Variants in MYCT1 observed in about 807,000 individuals in gnomAD.
MYCT1 encodes the protein MYC target 1.
Under a neutral mutation model 15.0 loss-of-function variants are expected in MYCT1, and 12 were observed. The observed-to-expected ratio is 0.80, with a 90% CI of 0.51 to 1.29. The LOEUF (loss-of-function observed/expected upper bound fraction) is 1.29, where lower values mean the gene tolerates loss of function less well. Among genes scored for constraint, MYCT1 ranks in the 50% most tolerant of loss-of-function variants. MYCT1 has a pLI of 0.00. For synonymous variants in MYCT1, 104 were observed against 102.7 expected, an observed-to-expected ratio of 1.01 and a Z score of -0.07; for missense variants, 287 against 279.1, an observed-to-expected ratio of 1.03 and a Z score of -0.20.
At chr6:152,734,969 C>A in the MYCT1 span, among the ~76,000 whole-genome samples, 8 of 152,266 alleles carry the variant, frequency 5.3e-5, no homozygotes, top group East Asian at 1.5e-3. Context: ...AATAAAACAA[C>A]ATATGCCAGA....
intron 1 of MYCT1, among the ~76,000 whole-genome samples, chr6:152,701,324 C>G (rs2099721265): frequency 6.6e-6 from 1 of 152,120 alleles, no homozygotes; most frequent in Admixed American, 6.5e-5. Flanking sequence ...AAAATGTCAC[C>G]AGCAAATATG....
At chr6:152,702,054 C>T (rs1324086605) in intron 1 of MYCT1, among the ~76,000 whole-genome samples, 2 of 152,076 alleles carry the variant, frequency 1.3e-5, no homozygotes, top group African/African-American at 4.8e-5. Context: ...GAAATAAGTA[C>T]CAGTTCCTCT....
At position 152,724,492 on chromosome 6, in the gene MYCT1, A is replaced by G. The variant is rs561061455; in HGVS notation, c.*2239A>G. The stretch of plus-strand genomic sequence containing the variant: ...AGTGTATGAAATGTGAAATTAAAGC[A>G]AAAACTGGAGACTTTTAATGTATTT... On this transcript the variant is annotated 3_prime_UTR_variant, in exon 2 of 2. Transcript: ENST00000367245. 1.3e-5 allele frequency: 2 copies of G among 152,316 alleles called. No homozygotes were observed. Among genetic ancestry groups the G allele is most frequent in the South Asian group, 4.1e-4 (2 of 4,828 alleles). The allele number at this position is 152,316 out of a possible 1,614,324, so 9.4% of individuals were successfully genotyped here.
intron 1 of MYCT1, among the ~76,000 whole-genome samples, chr6:152,708,631 G>A (rs1583968543): frequency 6.6e-6 from 1 of 151,938 alleles, no homozygotes; most frequent in African/African-American, 2.4e-5. Flanking sequence ...CATTTCATAT[G>A]AAAATATTTT....
At chr6:152,724,626 G>A (rs182408505), downstream of MYCT1, 8 of 152,150 alleles carry the variant, frequency 5.3e-5, no homozygotes, top group East Asian at 1.5e-3. Flanking sequence ...AAAGCAAGGA[G>A]TCAAGAAATT....
chr6:152,722,199 A>C lies in MYCT1; in HGVS notation c.654A>C (p.Ser218=). The C allele has an allele frequency of 6.2e-7, 1 of 1,614,120 alleles. No homozygotes were observed. The highest frequency in any genetic ancestry group is 8.5e-7 in the Non-Finnish European group (1 of 1,180,012). ...GTAACAGTCTTCGAGTGGGCCTTTC[A>C]ACACCGCCCCCACCTGCCTATGAGT... ...WSSNSLRVGL[S]TPPPPAYESI... The change falls in exon 2 of 2, where the codon TCA becomes TCC. Residue 218 remains serine, a synonymous_variant. Coordinates refer to ENST00000367245, the MANE Select transcript of MYCT1 (RefSeq NM_025107.3).
chr6:152,737,268 G>A, the MYCT1 span, among the ~76,000 whole-genome samples: 4 of 151,832 alleles, frequency 2.6e-5, no homozygotes, highest in South Asian at 6.2e-4. Context: ...GCAATAAAGA[G>A]TTTGAAGTAG....
chr6:152,745,455 T>C, the MYCT1 span, among the ~76,000 whole-genome samples: 1 of 152,074 alleles, frequency 6.6e-6, no homozygotes, highest in South Asian at 2.1e-4. Flanking sequence ...AGAGACAGAC[T>C]CCAAGTCTAG....
chr6:152,724,553 A>C lies in MYCT1; in HGVS notation c.*2300A>C, dbSNP rs1344179304. ...AAATGTTTTGTGGATTGTGAAATAA[A>C]AATAAATTTATGTCAAGTTTTATTC... is the stretch of plus-strand genomic sequence containing the variant. On this transcript the variant is annotated 3_prime_UTR_variant, in exon 2 of 2. Coordinates refer to ENST00000367245, the MANE Select transcript of MYCT1 (RefSeq NM_025107.3). The C allele has an allele frequency of 6.6e-6, 1 of 152,170 alleles. No individual in the cohort carries two copies. Among genetic ancestry groups the C allele is most frequent in the Non-Finnish European group, 1.5e-5 (1 of 68,020 alleles). 9.4% of individuals were successfully genotyped at this position (152,170 alleles called of 1,614,324 possible).
At chr6:152,714,422 A>T (rs1183047864) in intron 1 of MYCT1, among the ~76,000 whole-genome samples, 1 of 150,742 alleles carries the variant, frequency 6.6e-6, no homozygotes, top group African/African-American at 2.4e-5. Flanking sequence ...ATGGAAACTG[A>T]AATAATTGTT....
chr6:152,717,927 TTAAA>T (rs2099724029), intron 1 of MYCT1, among the ~76,000 whole-genome samples: 2 of 152,278 alleles, frequency 1.3e-5, no homozygotes, highest in African/African-American at 4.8e-5. Context: ...CATTCAAAAT[TTAAA>T]TAGCCTATTA....
chr6:152,703,601 C>A (rs1288139171), intron 1 of MYCT1, among the ~76,000 whole-genome samples: 2 of 151,326 alleles, frequency 1.3e-5, no homozygotes, highest in African/African-American at 2.4e-5. Context: ...AATTGTTTTG[C>A]AACTCTTTTC....
intron 1 of MYCT1, among the ~76,000 whole-genome samples, chr6:152,703,612 C>T (rs981974482): frequency 1.3e-5 from 2 of 151,940 alleles, no homozygotes; most frequent in Admixed American, 1.3e-4. Context: ...AACTCTTTTC[C>T]CTTTAAAGTC....
rs779950525 is a variant in MYCT1, at chr6:152,714,975, A to T, written c.197-6767A>T. Among the ~76,000 whole-genome samples, 15 of 152,150 alleles carry T rather than the reference A, an allele frequency of 9.9e-5. No homozygotes were observed. In the South Asian group the frequency reaches 1.0e-3, roughly 11 times the overall value. Reference sequence around the variant, plus strand: ...CTTTCTCCTGTTTACCATTAAGCTTAGGGAGTAGATCCTAGGGGGCCTAAT... The same window carrying T: ...CTTTCTCCTGTTTACCATTAAGCTTTGGGAGTAGATCCTAGGGGGCCTAAT... On this transcript the variant is annotated intron_variant, in intron 1 of 1. Transcript: ENST00000367245.
In MYCT1 at chr6:152,723,765, T is replaced by A. The variant is rs1224264515; in HGVS notation, c.*1512T>A. 1 of 152,208 alleles carries A rather than the reference T, an allele frequency of 6.6e-6. No homozygotes were observed. The highest frequency in any genetic ancestry group is 1.9e-4 in the East Asian group (1 of 5,182). 9.4% of individuals were successfully genotyped at this position (152,208 alleles called of 1,614,324 possible). On this transcript the variant is annotated 3_prime_UTR_variant, in exon 2 of 2. Coordinates refer to ENST00000367245, the MANE Select transcript of MYCT1 (RefSeq NM_025107.3). ...GGGCAGATGTCTGTGGCTGCCCTTC[T>A]CATTTAAGGACATGAGTTCACTGGA...
intron 1 of MYCT1, among the ~76,000 whole-genome samples, chr6:152,717,597 T>C (rs922897733): frequency 6.6e-6 from 1 of 152,110 alleles, no homozygotes; most frequent in Non-Finnish European, 1.5e-5. Flanking sequence ...CTTCGTCTGC[T>C]GCCATCCATG....
intron 1 of MYCT1, among the ~76,000 whole-genome samples, chr6:152,718,241 T>C (rs2099724081): frequency 6.6e-6 from 1 of 152,182 alleles, no homozygotes; most frequent in Non-Finnish European, 1.5e-5. Flanking sequence ...ATTGTGATGG[T>C]CCAATATATT....
rs367571372 is a variant in MYCT1, at chr6:152,723,002, A to G, written c.*749A>G. On this transcript the variant is annotated 3_prime_UTR_variant, in exon 2 of 2. Coordinates refer to ENST00000367245, the MANE Select transcript of MYCT1 (RefSeq NM_025107.3). ...GATGATCCTCCTGCCTCGGCCTCCC[A>G]AAGTGCTGGAATTAGCCTGGCCAAT... 1.1e-4 allele frequency: 17 copies of G among 158,226 alleles called. No homozygotes were observed. The East Asian group carries it at 3.0e-3, about 28-fold the overall frequency. The allele number at this position is 158,226 out of a possible 1,614,324, so 9.8% of individuals were successfully genotyped here.
the MYCT1 span, among the ~76,000 whole-genome samples, chr6:152,742,406 C>T: frequency 6.6e-6 from 1 of 152,044 alleles, no homozygotes; most frequent in African/African-American, 2.4e-5. Flanking sequence ...AGTTGTTCCA[C>T]GTGGCTGAGA....
Sources: allele counts gnomAD v4.1 joint callset (sites outside exome capture counted in the v4.1 genomes callset), GRCh38; gene constraint gnomAD v4.1.1; transcripts MANE v1.5; gene names NCBI Gene and HGNC (gene_info 2026-07-23, HGNC 2026-07-21).